The following FRMPD2 variants were observed in gnomAD, a reference collection of about 807,000 sequenced individuals.
The protein encoded by FRMPD2 is FERM and PDZ domain-containing protein 2.
In FRMPD2, 96 loss-of-function variants were observed where a neutral mutation model predicts 140.1. The observed-to-expected ratio is 0.69, with a 90% confidence interval of 0.58 to 0.81. The LOEUF (loss-of-function observed/expected upper bound fraction) is 0.81, where lower values mean the gene tolerates loss of function less well. Ranked by LOEUF, FRMPD2 falls within the 40% of genes least tolerant of loss-of-function variation. The pLI is 0.00. For synonymous variants in FRMPD2, 449 were observed against 547.6 expected (o/e 0.82, Z 2.52); for missense variants, 1,240 against 1,447.4 (o/e 0.86, Z 2.32).
chr10:48,242,248 A>T lies in FRMPD2; in HGVS notation c.480T>A (p.Val160=). 1 of 1,614,142 alleles carries T rather than the reference A, an allele frequency of 6.2e-7. No homozygotes were observed. The part of the protein sequence containing the change: ...TLQSVLEACR[V]HEKEVSVYPA... Reference sequence around the variant, plus strand: ...GGTAGACAGACACTTCTTTCTCATGAACCCGACAAGCTTCCAGAACCGACT... The same window carrying T: ...GGTAGACAGACACTTCTTTCTCATGTACCCGACAAGCTTCCAGAACCGACT... The change falls in exon 5 of 29, where the codon GTT becomes GTA. Residue 160 remains valine (V), a synonymous_variant. Transcript: ENST00000374201.
In FRMPD2 at chr10:48,157,398, A is replaced by G; in HGVS notation, c.3882-28T>C. 6.4e-6 allele frequency: 5 copies of G among 784,698 alleles called. No individual in the cohort carries two copies. In the South Asian group the frequency reaches 6.8e-5, roughly 11 times the overall value. The allele number at this position is 784,698 out of a possible 1,614,324, so 48.6% of individuals were successfully genotyped here. ...AAGAGAAAAGCACAAAGATTTAGCA[A>G]ATACATGGATCCTCATTTCTCAGCC... On this transcript the variant is annotated intron_variant, in intron 28 of 28. Transcript: ENST00000374201.
chr10:48,182,490 T>TAAAGAGATAGAA (rs1254605883), intron 20 of FRMPD2, among the ~76,000 whole-genome samples: 1 of 152,226 alleles, frequency 6.6e-6, no homozygotes, highest in Non-Finnish European at 1.5e-5. Context: ...CTAGCCCAGC[T>TAAAGAGATAGAA]GCCTTAACAG....
chr10:48,240,637 G>T, intron 5 of FRMPD2, 145 bp from the exon 6 acceptor site: 1 of 1,159,008 alleles, frequency 8.6e-7, no homozygotes, highest in Non-Finnish European at 1.2e-6. Context: ...CTGGCACCCA[G>T]AATGTGCTCT....
intron 14 of FRMPD2, among the ~76,000 whole-genome samples, chr10:48,203,642 A>G (rs1216825461): frequency 6.6e-6 from 1 of 151,642 alleles, no homozygotes; most frequent in Non-Finnish European, 1.5e-5. Flanking sequence ...CTATTTGTTC[A>G]CCTGCTTGAT....
intron 13 of FRMPD2, among the ~76,000 whole-genome samples, chr10:48,209,428 C>G (rs1361231636): frequency 6.6e-6 from 1 of 152,200 alleles, no homozygotes; most frequent in Non-Finnish European, 1.5e-5. Flanking sequence ...TGGACTTTTG[C>G]CCAGTCTGTG....
chr10:48,217,571 T>A (rs1342404320), intron 12 of FRMPD2, among the ~76,000 whole-genome samples: 1 of 152,162 alleles, frequency 6.6e-6, no homozygotes, highest in Non-Finnish European at 1.5e-5. Context: ...CGAATGAGAA[T>A]ATAATAGGAG....
At chr10:48,251,509 G>C (rs1840380688) in intron 2 of FRMPD2, 57 bp downstream of exon 2, 1 of 1,601,488 alleles carries the variant, frequency 6.2e-7, no homozygotes, top group Non-Finnish European at 8.5e-7. Context: ...CTGTGTTTGT[G>C]TGGGAAGCTT....
rs140725592 is a variant in FRMPD2, at chr10:48,201,463, G to A, written c.1798-79C>T. The A allele has an allele frequency of 3.4e-4, 473 of 1,381,250 alleles. 2 individuals carry two copies. The African/African-American group carries it at 6.0e-3, about 17-fold the overall frequency. The allele number at this position is 1,381,250 out of a possible 1,614,324, so 85.6% of individuals were successfully genotyped here. ...GACGCACAACTGCAAGAAAATGCTC[G>A]GTCCCTTGGTTCCACACCCTGTAGC... is the stretch of plus-strand genomic sequence containing the variant. On this transcript the variant is annotated intron_variant, in intron 14 of 28. Transcript: ENST00000374201.
At chr10:48,199,279 A>G (rs907069167) in intron 15 of FRMPD2, among the ~76,000 whole-genome samples, 48 of 152,124 alleles carry the variant, frequency 3.2e-4, no homozygotes, top group African/African-American at 1.1e-3. Flanking sequence ...CAGGCAAAAA[A>G]AAAAAAAAAC....
At chr10:48,246,123 G>A (rs887837669) in intron 3 of FRMPD2, among the ~76,000 whole-genome samples, 2 of 151,570 alleles carry the variant, frequency 1.3e-5, no homozygotes, top group Non-Finnish European at 2.9e-5. Context: ...AGGACCCAAA[G>A]AGCAGGGGCT....
chr10:48,185,020 A>G (rs1391997544), intron 18 of FRMPD2, 139 bp from the exon 19 acceptor site: 1 of 617,006 alleles, frequency 1.6e-6, no homozygotes, highest in Admixed American at 3.1e-5. Context: ...CTGATCCTCA[A>G]ATAGAGGATC....
intron 21 of FRMPD2, among the ~76,000 whole-genome samples, 181 bp from the exon 22 acceptor site, chr10:48,178,332 A>G (rs1838462334): frequency 6.6e-6 from 1 of 152,166 alleles, no homozygotes; most frequent in Non-Finnish European, 1.5e-5. Flanking sequence ...CAGACAAAGC[A>G]GGAGGAAGAT....
chr10:48,202,157 T>C (rs1481653215), intron 14 of FRMPD2, among the ~76,000 whole-genome samples: 1 of 152,162 alleles, frequency 6.6e-6, no homozygotes, highest in East Asian at 1.9e-4. Flanking sequence ...ATAAGAACAA[T>C]AAAATATATA....
chr10:48,236,133 C>T (rs1241938916), intron 9 of FRMPD2, among the ~76,000 whole-genome samples: 1 of 151,598 alleles, frequency 6.6e-6, no homozygotes. Flanking sequence ...TCTGTCTTTG[C>T]CGCCTCCTTC....
chr10:48,212,273 G>A (rs1391849298), intron 12 of FRMPD2, among the ~76,000 whole-genome samples, 164 bp from the exon 13 acceptor site: 1 of 152,174 alleles, frequency 6.6e-6, no homozygotes, highest in Non-Finnish European at 1.5e-5. Context: ...TATTAAAAAC[G>A]GGGCCAAACC....
At chr10:48,171,326 C>G (rs1838248244) in intron 25 of FRMPD2, 118 bp from the exon 26 acceptor site, 4 of 747,896 alleles carry the variant, frequency 5.3e-6, no homozygotes, top group Non-Finnish European at 9.8e-6. Context: ...CAAATAATTC[C>G]TTTGCTAATT....
intron 24 of FRMPD2, among the ~76,000 whole-genome samples, chr10:48,174,299 A>G (rs1207066700): frequency 1.3e-5 from 2 of 151,036 alleles, no homozygotes; most frequent in South Asian, 2.1e-4. Context: ...CAGTGGGATA[A>G]CATCGAGTCA....
At chr10:48,198,983 G>A (rs532792074) in intron 15 of FRMPD2, among the ~76,000 whole-genome samples, 5 of 152,256 alleles carry the variant, frequency 3.3e-5, no homozygotes, top group Admixed American at 1.3e-4. Context: ...GCAAATTAAC[G>A]CAGGAACAGA....
chr10:48,254,274 G>A (rs1361009010), intron 1 of FRMPD2, among the ~76,000 whole-genome samples: 1 of 152,198 alleles, frequency 6.6e-6, no homozygotes, highest in Non-Finnish European at 1.5e-5. Flanking sequence ...TTCCCTGGCT[G>A]GCCTCAGGAC....
Sources: allele counts gnomAD v4.1 joint callset (sites outside exome capture counted in the v4.1 genomes callset), GRCh38; gene constraint gnomAD v4.1.1; transcripts MANE v1.5; gene names NCBI Gene and HGNC (gene_info 2026-07-23, HGNC 2026-07-21).